Variants in SMYD2 observed in about 807,000 individuals in gnomAD.
The protein encoded by SMYD2 is N-lysine methyltransferase SMYD2.
In SMYD2, 53 loss-of-function variants were observed where a neutral mutation model predicts 59.1. That is an observed-to-expected ratio of 0.90 (90% confidence interval 0.72 to 1.13). SMYD2 has a LOEUF of 1.13. SMYD2 is among the 50% of genes most tolerant of loss of function. The pLI is 0.00. For synonymous variants in SMYD2, 208 were observed against 198.8 expected (o/e 1.05, Z -0.39); for missense variants, 494 against 544.7 (o/e 0.91, Z 0.93).
intron 1 of SMYD2, 137 bp downstream of exon 1, chr1:214,281,564 G>T (rs1342998031): frequency 2.6e-6 from 2 of 763,940 alleles, no homozygotes; most frequent in Non-Finnish European, 3.3e-6. Context: ...GGCGGGGAGG[G>T]GAGGAGGCCC....
Position 214,301,228 on chromosome 1 carries a change from C to T in SMYD2, c.174-3959C>T, listed in dbSNP as rs527396568. 3.9e-5 allele frequency among the ~76,000 whole-genome samples: 6 copies of T among 152,172 alleles called. No individual in the cohort carries two copies. The South Asian group carries it at 6.2e-4, about 16-fold the overall frequency. ...GCAAAAATAAAGCTTCACATAGATA[C>T]GTAATTGGTAAGAGAAGGGTATTTC... On this transcript the variant is annotated intron_variant, in intron 1 of 11. Coordinates refer to ENST00000366957, the MANE Select transcript of SMYD2 (RefSeq NM_020197.3).
intron 2 of SMYD2, among the ~76,000 whole-genome samples, chr1:214,306,720 A>G (rs1390500132): frequency 6.6e-6 from 1 of 152,226 alleles, no homozygotes; most frequent in Non-Finnish European, 1.5e-5. Flanking sequence ...CTGTTTCTAT[A>G]TGTAAGTTAA....
intron 1 of SMYD2, among the ~76,000 whole-genome samples, chr1:214,298,676 A>G (rs1558050230): frequency 6.6e-6 from 1 of 152,212 alleles, no homozygotes; most frequent in Admixed American, 6.5e-5. Flanking sequence ...GAACCTGTGA[A>G]GAAGTTAATT....
chr1:214,309,118 G>A (rs1025746974), intron 2 of SMYD2, among the ~76,000 whole-genome samples: 2 of 152,082 alleles, frequency 1.3e-5, no homozygotes, highest in African/African-American at 2.4e-5. Context: ...CAGTGCTTTC[G>A]GATTTTGCTT....
chr1:214,281,504 G>A, intron 1 of SMYD2, 77 bp downstream of exon 1: 2 of 1,211,850 alleles, frequency 1.7e-6, no homozygotes, highest in Non-Finnish European at 2.1e-6. Flanking sequence ...GCGCCAGGAA[G>A]TGCGTGCGGC....
At chr1:214,331,599 T>G (rs570099555) in intron 9 of SMYD2, 1 of 177,920 alleles carries the variant, frequency 5.6e-6, no homozygotes, top group African/African-American at 2.4e-5. Context: ...GAAAAGGGAT[T>G]CGATTTGTAC....
intron 1 of SMYD2, among the ~76,000 whole-genome samples, chr1:214,284,023 G>A (rs1366329476): frequency 1.3e-5 from 2 of 152,092 alleles, no homozygotes; most frequent in African/African-American, 2.4e-5. Flanking sequence ...TCAGACAAAG[G>A]TTTGCTTTGG....
chr1:214,286,333 G>A (rs953025568), intron 1 of SMYD2, among the ~76,000 whole-genome samples: 8 of 152,168 alleles, frequency 5.3e-5, no homozygotes, highest in Non-Finnish European at 1.2e-4. Context: ...TTAGCCAGCT[G>A]TGGTAGCCTG....
chr1:214,300,454 C>T (rs1008779736), intron 1 of SMYD2, among the ~76,000 whole-genome samples: 3 of 152,074 alleles, frequency 2.0e-5, no homozygotes, highest in Non-Finnish European at 4.4e-5. Flanking sequence ...CTCTTCTGTG[C>T]GGATGTTCCC....
chr1:214,318,195 T>A lies in SMYD2; in HGVS notation c.409+56T>A, dbSNP rs899497220. 2.6e-6 allele frequency: 4 copies of A among 1,519,766 alleles called. No homozygotes were observed. The African/African-American group carries it at 5.5e-5, about 21-fold the overall frequency. The allele number at this position is 1,519,766 out of a possible 1,614,324, so 94.1% of individuals were successfully genotyped here. A position where few individuals can be genotyped will look rare whatever the true frequency, so the allele number is the denominator to read the frequency against. On this transcript the variant is annotated intron_variant, in intron 4 of 11. Coordinates refer to ENST00000366957, the MANE Select transcript of SMYD2 (RefSeq NM_020197.3). This position sits in a 1 kb window ranked among gnomAD's most constrained non-coding sequence, Gnocchi z 5.4. ...CTCTCAGCCACAGATTTCACATGGG[T>A]TGGGCAGGATTGAAGCGAGGACGGG...
At chr1:214,298,001 A>G (rs1656761605) in intron 1 of SMYD2, among the ~76,000 whole-genome samples, 1 of 152,214 alleles carries the variant, frequency 6.6e-6, no homozygotes, top group South Asian at 2.1e-4. Context: ...AGATTTCAAC[A>G]CTATTCCTAC....
intron 1 of SMYD2, among the ~76,000 whole-genome samples, chr1:214,302,230 T>C (rs556537613): frequency 6.6e-6 from 1 of 151,792 alleles, no homozygotes; most frequent in South Asian, 2.1e-4. Flanking sequence ...TCCCAGCTAC[T>C]CAGGAGGCTG....
rs578065688 is a variant in SMYD2 at position 214,312,729 on chromosome 1, T to C, written c.238-2033T>C. Among the ~76,000 whole-genome samples, 1 of 151,898 alleles carries C rather than the reference T, an allele frequency of 6.6e-6. No homozygotes were observed. Among genetic ancestry groups the C allele is most frequent in the East Asian group, 1.9e-4 (1 of 5,164 alleles). On this transcript the variant is annotated intron_variant, in intron 2 of 11. Coordinates refer to ENST00000366957, the MANE Select transcript of SMYD2 (RefSeq NM_020197.3). The surrounding 1 kb of genome is among the most constrained non-coding windows in gnomAD (Gnocchi z 4.1). ...TGCAGTGAGGCAGGTGAGAGTACGGTGGGGGATGATGGGCTGGGGTGGTGC... is the reference window on the plus strand; with the variant it reads ...TGCAGTGAGGCAGGTGAGAGTACGGCGGGGGATGATGGGCTGGGGTGGTGC...
chr1:214,297,286 C>T (rs549943743), intron 1 of SMYD2, among the ~76,000 whole-genome samples: 2 of 125,340 alleles, frequency 1.6e-5, no homozygotes, highest in South Asian at 3.0e-4. Context: ...CACTTCTTTT[C>T]GCTCCATTCC....
intron 1 of SMYD2, among the ~76,000 whole-genome samples, chr1:214,284,677 G>T (rs927602714): frequency 1.3e-5 from 2 of 150,578 alleles, no homozygotes; most frequent in Non-Finnish European, 3.0e-5. Flanking sequence ...AGTGATTTCC[G>T]ACTAATTTTT....
At chr1:214,298,619 G>A (rs1017605952) in intron 1 of SMYD2, among the ~76,000 whole-genome samples, 1 of 152,158 alleles carries the variant, frequency 6.6e-6, no homozygotes, top group African/African-American at 2.4e-5. Context: ...CTACAGAGTA[G>A]AAGAAAATAT....
chr1:214,326,684 G>T (rs1221000107), intron 6 of SMYD2, among the ~76,000 whole-genome samples: 1 of 152,132 alleles, frequency 6.6e-6, no homozygotes, highest in Non-Finnish European at 1.5e-5. Flanking sequence ...CCAGCCTGGG[G>T]CAGTTCATCC....
At chr1:214,305,631 A>G (rs1656904940) in intron 2 of SMYD2, among the ~76,000 whole-genome samples, 1 of 152,228 alleles carries the variant, frequency 6.6e-6, no homozygotes, top group African/African-American at 2.4e-5. Context: ...ATAGCAGGCT[A>G]CATCTTACCC....
Position 214,318,888 on chromosome 1 carries a change from G to A in SMYD2, c.439G>A (p.Asp147Asn). The A allele has an allele frequency of 1.2e-6, 2 of 1,613,952 alleles. No homozygotes were observed. Among genetic ancestry groups the A allele is most frequent in the Admixed American group, 1.7e-5 (1 of 59,998 alleles). Residue 147 changes from aspartate to asparagine, a missense_variant, in exon 5 of 12, where the codon GAT (aspartate) becomes AAT (asparagine). Asp to Asn is a conservative substitution (Grantham distance 23, BLOSUM62 1). Coordinates refer to ENST00000366957, the MANE Select transcript of SMYD2 (RefSeq NM_020197.3). The surrounding 1 kb of genome is among the most constrained non-coding windows in gnomAD (Gnocchi z 5.4). ...GGATAAGTTAGACAATGAGAAGAAG[G>A]ATTTGATTCAGAGTGACATAGCTGC... ...HLDKLDNEKK[D>N]LIQSDIAALH...
Sources: allele counts gnomAD v4.1 joint callset (sites outside exome capture counted in the v4.1 genomes callset), GRCh38; gene constraint gnomAD v4.1.1; non-coding constraint Gnocchi (gnomAD v3.1); transcripts MANE v1.5; gene names NCBI Gene and HGNC (gene_info 2026-07-23, HGNC 2026-07-21).